TMEM232: variants seen among roughly 807,000 people sequenced by gnomAD.
The protein encoded by TMEM232 is transmembrane protein 232.
A neutral mutation model predicts 78.8 loss-of-function variants in TMEM232; 80 were observed. The observed-to-expected ratio is 1.01, with a 90% CI of 0.85 to 1.22. The LOEUF is 1.22. Ranked by LOEUF, TMEM232 falls within the 50% of genes most tolerant of loss-of-function variation. The pLI, the probability that TMEM232 is intolerant of heterozygous loss-of-function variation, is 0.00. For missense variants in TMEM232, 881 were observed against 742.2 expected, an observed-to-expected ratio of 1.19 and a Z score of -2.17; for synonymous variants, 297 against 254.3, an observed-to-expected ratio of 1.17 and a Z score of -1.60.
chr5:110,424,000 C>T (rs1481447877), intron 13 of TMEM232, among the ~76,000 whole-genome samples: 1 of 152,006 alleles, frequency 6.6e-6, no homozygotes, highest in African/African-American at 2.4e-5. Context: ...TTGCAGCTCT[C>T]GTTTTGTCAT....
At chr5:110,558,421 G>C (rs556074982) in intron 11 of TMEM232, among the ~76,000 whole-genome samples, 1 of 152,226 alleles carries the variant, frequency 6.6e-6, no homozygotes, top group South Asian at 2.1e-4. Context: ...GGCTATAAGT[G>C]GGTGTTACTG....
At chr5:110,711,234 A>C (rs532780715) in intron 1 of TMEM232, among the ~76,000 whole-genome samples, 2 of 152,150 alleles carry the variant, frequency 1.3e-5, no homozygotes, top group Non-Finnish European at 2.9e-5. Flanking sequence ...GAAAATTACA[A>C]AACACTGGTG....
intron 3 of TMEM232, among the ~76,000 whole-genome samples, chr5:110,391,823 G>C (rs549898184): frequency 6.6e-6 from 1 of 152,268 alleles, no homozygotes; most frequent in African/African-American, 2.4e-5. Flanking sequence ...AAAAACAGAA[G>C]AATGAAAATT....
At chr5:110,427,776 G>A (rs1327157797) in intron 12 of TMEM232, among the ~76,000 whole-genome samples, 1 of 151,788 alleles carries the variant, frequency 6.6e-6, no homozygotes, top group African/African-American at 2.4e-5. Flanking sequence ...CTGTCTCCAC[G>A]TGGCTTTTTC....
At chr5:110,494,538 A>C (rs886369845) in intron 12 of TMEM232, among the ~76,000 whole-genome samples, 1 of 152,074 alleles carries the variant, frequency 6.6e-6, no homozygotes, top group Non-Finnish European at 1.5e-5. Context: ...CAGGGAGGGA[A>C]ATAGCATTAC....
intron 11 of TMEM232, among the ~76,000 whole-genome samples, chr5:110,561,112 T>G: frequency 6.6e-6 from 1 of 152,170 alleles, no homozygotes; most frequent in Non-Finnish European, 1.5e-5. Context: ...ATCCTTTTTA[T>G]ATTCTTGTTA....
At chr5:110,580,657 A>G (rs1196006578) in intron 10 of TMEM232, among the ~76,000 whole-genome samples, 1 of 151,764 alleles carries the variant, frequency 6.6e-6, no homozygotes, top group African/African-American at 2.4e-5. Flanking sequence ...ATTAATGAAG[A>G]AACAGCCAAC....
At chr5:110,586,965 A>T (rs1778888390) in intron 10 of TMEM232, among the ~76,000 whole-genome samples, 1 of 152,182 alleles carries the variant, frequency 6.6e-6, no homozygotes, top group African/African-American at 2.4e-5. Flanking sequence ...CCAATAAAAT[A>T]AAAACTTGGA....
chr5:110,439,566 C>G (rs1305496460), intron 12 of TMEM232, among the ~76,000 whole-genome samples: 1 of 151,946 alleles, frequency 6.6e-6, no homozygotes. Flanking sequence ...CTGTCTCAGA[C>G]ACTAGCTTCT....
At chr5:110,606,329 A>G in intron 8 of TMEM232, 42 bp from the exon 9 acceptor site, 2 of 1,439,692 alleles carry the variant, frequency 1.4e-6, no homozygotes, top group South Asian at 1.5e-5. Flanking sequence ...TTTAATGGAA[A>G]ATAATAATAA....
At chr5:110,723,205 C>A (rs978983681) in intron 1 of TMEM232, among the ~76,000 whole-genome samples, 6 of 152,026 alleles carry the variant, frequency 3.9e-5, no homozygotes, top group Non-Finnish European at 5.9e-5. Context: ...TAGGTCTATT[C>A]AGATTATCTA....
At chr5:110,602,547 C>A (rs1781052203) in intron 10 of TMEM232, among the ~76,000 whole-genome samples, 1 of 152,082 alleles carries the variant, frequency 6.6e-6, no homozygotes. Context: ...AAAAAAAGCT[C>A]ATCATCACTG....
chr5:110,526,388 A>C (rs1470059960), intron 12 of TMEM232, among the ~76,000 whole-genome samples: 3 of 151,878 alleles, frequency 2.0e-5, no homozygotes, highest in Non-Finnish European at 2.9e-5. Flanking sequence ...CCAGTAAAAA[A>C]TGGGCAAAAA....
At chr5:110,426,669 G>A (rs1334857684) in intron 12 of TMEM232, among the ~76,000 whole-genome samples, 2 of 152,026 alleles carry the variant, frequency 1.3e-5, no homozygotes, top group Non-Finnish European at 2.9e-5. Context: ...CATTGTGTGG[G>A]AGAAAAGCAC....
At chr5:110,628,614 T>G (rs147612388) in intron 5 of TMEM232, among the ~76,000 whole-genome samples, 1,521 of 151,978 alleles carry the variant, frequency 0.01, 33 homozygotes, top group African/African-American at 0.034. Context: ...AATACAAGTT[T>G]CTAAATTGTG....
chr5:110,609,836 G>A (rs1323596872), intron 8 of TMEM232, among the ~76,000 whole-genome samples: 1 of 152,032 alleles, frequency 6.6e-6, no homozygotes, highest in African/African-American at 2.4e-5. Flanking sequence ...ATGAAGAAGA[G>A]GGAACTATAT....
At chr5:110,610,141 A>C (rs1240063003) in intron 8 of TMEM232, among the ~76,000 whole-genome samples, 1 of 151,238 alleles carries the variant, frequency 6.6e-6, no homozygotes, top group East Asian at 2.0e-4. Context: ...AGTCTTTCAT[A>C]ATTTAGAGGA....
rs944404056 is a variant in TMEM232, at chr5:110,677,499, A to G, written c.-12-10135T>C. Among the ~76,000 whole-genome samples, 5 of 152,228 alleles carry G rather than the reference A, an allele frequency of 3.3e-5. No individual in the cohort carries two copies. The East Asian group carries it at 9.6e-4, about 29-fold the overall frequency. ...ATAGAAAACTAAAACAAGATATCTC[A>G]TAATTTAGCAATTATCATTGAAGTG... is the stretch of plus-strand genomic sequence containing the variant. On this transcript the variant is annotated intron_variant, in intron 1 of 13. Coordinates refer to ENST00000455884, the MANE Select transcript of TMEM232 (RefSeq NM_001039763.4).
At chr5:110,708,933 T>C (rs1037702138) in intron 1 of TMEM232, among the ~76,000 whole-genome samples, 1 of 151,706 alleles carries the variant, frequency 6.6e-6, no homozygotes, top group Non-Finnish European at 1.5e-5. Context: ...AAAAAAAATA[T>C]AGTGGCCGAA....
Sources: allele counts gnomAD v4.1 joint callset (sites outside exome capture counted in the v4.1 genomes callset), GRCh38; gene constraint gnomAD v4.1.1; transcripts MANE v1.5; gene names NCBI Gene and HGNC (gene_info 2026-07-23, HGNC 2026-07-21).